The following GEN1 variants were observed in gnomAD, a reference collection of about 807,000 sequenced individuals.
GEN1 encodes flap endonuclease GEN homolog 1.
GEN1 carries 64 observed loss-of-function variants against 67.6 expected under a neutral mutation model. The ratio of observed to expected loss-of-function variants is 0.95; its 90% CI spans 0.77 to 1.17. The LOEUF (loss-of-function observed/expected upper bound fraction) is 1.17, where lower values mean the gene tolerates loss of function less well. GEN1 is among the 50% of genes most tolerant of loss of function. The pLI is 0.00. For missense variants in GEN1, 1,058 were observed against 1,048.3 expected (o/e 1.01, Z -0.13); for synonymous variants, 371 against 359.4 (o/e 1.03, Z -0.37).
chr2:17,768,147 A>G (rs987858431), intron 5 of GEN1, among the ~76,000 whole-genome samples: 1 of 152,246 alleles, frequency 6.6e-6, no homozygotes, highest in African/African-American at 2.4e-5. Flanking sequence ...TTATAAGGAC[A>G]TATTCATACA....
intron 6 of GEN1, chr2:17,770,942 G>T: frequency 2.6e-6 from 1 of 381,228 alleles, no homozygotes; most frequent in Non-Finnish European, 4.9e-6. Context: ...TTTTTTAATA[G>T]AGATACCGAT....
At chr2:17,776,153 A>T (rs1277605595) in intron 11 of GEN1, among the ~76,000 whole-genome samples, 1 of 150,600 alleles carries the variant, frequency 6.6e-6, no homozygotes, top group East Asian at 1.9e-4. Flanking sequence ...TTTAATCTGT[A>T]TCTAATCATG....
chr2:17,781,894 T>G lies in GEN1; in HGVS notation c.2682T>G (p.Pro894=). The G allele has an allele frequency of 1.3e-6, 2 of 1,579,200 alleles. No homozygotes were observed. Among genetic ancestry groups the G allele is most frequent in the Non-Finnish European group, 1.7e-6 (2 of 1,169,222 alleles). Residue 894 remains proline (P), a synonymous_variant, in exon 14 of 14, where the codon CCT becomes CCG. Transcript: ENST00000381254. ...ENNSGTCLDS[P]LPLRQRLKLR... ...ACTCTGGTACTTGTTTGGATAGCCC[T>G]CTTCCTTTACGCCAGAGATTAAAAC...
intron 8 of GEN1, 94 bp downstream of exon 8, chr2:17,772,878 G>A: frequency 8.5e-7 from 1 of 1,179,384 alleles, no homozygotes; most frequent in South Asian, 1.7e-5. Flanking sequence ...CCCATATCTA[G>A]ATTAGTCACA....
In GEN1 at chr2:17,779,981, A is replaced by G. The variant is rs376696814; in HGVS notation, c.1268A>G (p.His423Arg). The change falls in exon 13 of 14, where the codon CAT becomes CGT. Residue 423 changes from histidine to arginine, a missense_variant. His to Arg is a conservative substitution (Grantham distance 29). Transcript: ENST00000381254. ...TGCTGTATTTTTAATCTTTTAGAACATTATGCTATGGAAGATAAACAACAT... is the reference window on the plus strand; with the variant it reads ...TGCTGTATTTTTAATCTTTTAGAACGTTATGCTATGGAAGATAAACAACAT... ...CFEIEWEKPEHYAMEDKQHGE... is the reference protein window; with the variant it reads ...CFEIEWEKPERYAMEDKQHGE... 3.1e-6 allele frequency: 5 copies of G among 1,600,238 alleles called. No homozygotes were observed. The highest frequency in any genetic ancestry group is 1.3e-5 in the African/African-American group (1 of 74,482).
chr2:17,759,131 C>G (rs1213836500), intron 1 of GEN1, among the ~76,000 whole-genome samples: 1 of 152,068 alleles, frequency 6.6e-6, no homozygotes, highest in East Asian at 1.9e-4. Flanking sequence ...GAATGAAGGT[C>G]ATTATTTAGA....
Position 17,781,110 on chromosome 2 carries a change from C to G in GEN1, c.1898C>G (p.Ser633Cys). ...DGFENIPEQL[S>C]CESERYTANI... ...TTTGAAAATATCCCAGAACAACTGT[C>G]CTGTGAATCAGAAAGGTACACTGCA... The change falls in exon 14 of 14, where the codon TCC (serine) becomes TGC (cysteine). Residue 633 changes from serine (S) to cysteine (C), a missense_variant. Transcript: ENST00000381254. 6.2e-7 allele frequency: 1 copy of G among 1,613,660 alleles called. No individual in the cohort carries two copies. The highest frequency in any genetic ancestry group is 8.5e-7 in the Non-Finnish European group (1 of 1,179,632).
Position 17,788,711 on chromosome 2 carries a change from T to C in GEN1, c.*6772T>C, listed in dbSNP as rs1239982400. ...TGCGTCATCATAAGTTAAATCTTCA[T>C]CTACCACCCAACTGATACCTGCCTT... On this transcript the variant is annotated 3_prime_UTR_variant, in exon 14 of 14. Coordinates refer to ENST00000381254, the MANE Select transcript of GEN1 (RefSeq NM_001130009.3). The C allele has an allele frequency of 1.3e-5, 2 of 152,206 alleles. No homozygotes were observed. The highest frequency in any genetic ancestry group is 2.9e-5 in the Non-Finnish European group (2 of 68,030). The allele number at this position is 152,206 out of a possible 1,614,324, so 9.4% of individuals were successfully genotyped here.
At chr2:17,768,167 G>A (rs1238963912) in intron 5 of GEN1, among the ~76,000 whole-genome samples, 1 of 152,190 alleles carries the variant, frequency 6.6e-6, no homozygotes, top group African/African-American at 2.4e-5. Flanking sequence ...ACTTATAGGG[G>A]CTGGAAGACT....
At chr2:17,757,406 C>T (rs1226724460) in intron 1 of GEN1, among the ~76,000 whole-genome samples, 2 of 151,566 alleles carry the variant, frequency 1.3e-5, no homozygotes, top group Non-Finnish European at 2.9e-5. Flanking sequence ...TTTACCATAA[C>T]CCTCAGAAGG....
At chr2:17,778,197 C>CATATGTGTAT in intron 12 of GEN1, 134 bp downstream of exon 12, 1 of 335,744 alleles carries the variant, frequency 3.0e-6, no homozygotes, top group South Asian at 3.7e-5. Context: ...TACACACACA[C>CATATGTGTAT]ATATATGTGT....
Position 17,780,748 on chromosome 2 carries a change from C to T in GEN1, c.1536C>T (p.Ser512=), listed in dbSNP as rs571920756. ...ATTCCAAGTTAAATTCGGGGATTTC[C>T]CCTGATCCTACATTACCACAGGAAT... ...KQNSKLNSGI[S]PDPTLPQESI... The change falls in exon 14 of 14, where the codon TCC becomes TCT. Residue 512 remains serine (S), a synonymous_variant. Coordinates refer to ENST00000381254, the MANE Select transcript of GEN1 (RefSeq NM_001130009.3). 6.2e-7 allele frequency: 1 copy of T among 1,613,942 alleles called. No homozygotes were observed. The highest frequency in any genetic ancestry group is 8.5e-7 in the Non-Finnish European group (1 of 1,179,894).
At chr2:17,766,548 G>C (rs758878582) in intron 4 of GEN1, 31 bp from the exon 5 acceptor site, 1 of 1,124,494 alleles carries the variant, frequency 8.9e-7, no homozygotes, top group Admixed American at 1.9e-5. Flanking sequence ...TGTACTTTTT[G>C]AGGATTAAAC....
rs537530042 is a variant in GEN1 at position 17,787,160 on chromosome 2, C to T, written c.*5221C>T. ...CATGTCATAACTTTATAATCCCAAGCAGAATTATTTGCTCTATACGTGTCC... is the reference window on the plus strand; with the variant it reads ...CATGTCATAACTTTATAATCCCAAGTAGAATTATTTGCTCTATACGTGTCC... On this transcript the variant is annotated 3_prime_UTR_variant, in exon 14 of 14. Coordinates refer to ENST00000381254, the MANE Select transcript of GEN1 (RefSeq NM_001130009.3). 21 of 152,300 alleles carry T rather than the reference C, an allele frequency of 1.4e-4. No individual in the cohort carries two copies. Among genetic ancestry groups the T allele is most frequent in the African/African-American group, 4.8e-4 (20 of 41,572 alleles). 9.4% of individuals were successfully genotyped at this position (152,300 alleles called of 1,614,324 possible).
chr2:17,755,099 T>C (rs1671352804), intron 1 of GEN1: 1 of 152,268 alleles, frequency 6.6e-6, no homozygotes, highest in Non-Finnish European at 1.5e-5. Context: ...TCACTTTTTA[T>C]TTCTAAAAGT....
rs370543911 is a variant in GEN1 at position 17,778,251 on chromosome 2, T to TAC, written c.1264+194_1264+195dup. On this transcript the variant is annotated intron_variant, in intron 12 of 13. Coordinates refer to ENST00000381254, the MANE Select transcript of GEN1 (RefSeq NM_001130009.3). ...ACATATATGTGTGTACATATATGTA[T>TAC]ACACACATATGTGTGTACATATATG... 3.3e-3 allele frequency among the ~76,000 whole-genome samples: 349 copies of TAC among 106,036 alleles called. 53 individuals are homozygous for TAC. The highest frequency in any genetic ancestry group is 0.011 in the African/African-American group (236 of 21,240). 69.6% of individuals were successfully genotyped at this position (106,036 alleles called of 152,430 possible).
At chr2:17,775,995 G>C (rs147797131) in intron 11 of GEN1, among the ~76,000 whole-genome samples, 1 of 151,548 alleles carries the variant, frequency 6.6e-6, no homozygotes, top group African/African-American at 2.4e-5. Flanking sequence ...GAGCACCTGT[G>C]ATCCCAGCTA....
At chr2:17,778,411 T>C (rs1328608802) in intron 12 of GEN1, among the ~76,000 whole-genome samples, 861 of 20,306 alleles carry the variant, frequency 0.042, 203 homozygotes, top group African/African-American at 0.1. Context: ...TATACACACA[T>C]ATATGTGTGT....
Position 17,777,998 on chromosome 2 carries a change from T to C in GEN1, c.1203-4T>C. 6.4e-7 allele frequency: 1 copy of C among 1,552,594 alleles called. No individual in the cohort carries two copies. Among genetic ancestry groups the C allele is most frequent in the Non-Finnish European group, 8.9e-7 (1 of 1,126,084 alleles). Reference sequence around the variant, plus strand: ...AGACTTCATTAAATGAATTTGTTTTTCAGAATTGTTAAGACTCGAATCAGA... The same window carrying C: ...AGACTTCATTAAATGAATTTGTTTTCCAGAATTGTTAAGACTCGAATCAGA... On this transcript the variant is annotated splice_polypyrimidine_tract_variant and splice_region_variant and intron_variant, in intron 11 of 13. Transcript: ENST00000381254.
Sources: allele counts gnomAD v4.1 joint callset (sites outside exome capture counted in the v4.1 genomes callset), GRCh38; gene constraint gnomAD v4.1.1; transcripts MANE v1.5; gene names NCBI Gene and HGNC (gene_info 2026-07-23, HGNC 2026-07-21).